The following ADAM23 variants were observed in gnomAD, a reference collection of about 807,000 sequenced individuals.
The protein encoded by ADAM23 is ADAM metallopeptidase domain 23.
ADAM23 carries 33 observed loss-of-function variants against 120.1 expected under a neutral mutation model. That is an observed-to-expected ratio of 0.27 (90% CI 0.21 to 0.37). ADAM23 has a LOEUF of 0.37. Among genes scored for constraint, ADAM23 ranks in the 10% least tolerant of loss-of-function variants. The pLI, the probability that ADAM23 is intolerant of heterozygous loss-of-function variation, is 1.00. For synonymous variants in ADAM23, 367 were observed against 375.2 expected (o/e 0.98, Z 0.25); for missense variants, 862 against 1,058.2 (o/e 0.81, Z 2.57).
Position 206,443,780 on chromosome 2 carries a change from G to C in ADAM23, c.-87G>C. 5.2e-6 allele frequency: 4 copies of C among 763,872 alleles called. No individual in the cohort carries two copies. Among genetic ancestry groups the C allele is most frequent in the Non-Finnish European group, 6.4e-6 (4 of 626,110 alleles). 47.3% of individuals were successfully genotyped at this position (763,872 alleles called of 1,614,324 possible). ...GCCGCGGCACCATGCGCGCCGAGCC[G>C]GCGTGACCGGCTCCGCCCGCGGCCG... On this transcript the variant is annotated 5_prime_UTR_variant, in exon 1 of 26. Transcript: ENST00000264377.
chr2:206,538,195 T>C (rs1192078705), intron 4 of ADAM23, among the ~76,000 whole-genome samples: 1 of 152,186 alleles, frequency 6.6e-6, no homozygotes, highest in Non-Finnish European at 1.5e-5. Context: ...TTAAATTTAA[T>C]GAAGGTAAAT....
intron 18 of ADAM23, among the ~76,000 whole-genome samples, chr2:206,578,600 C>A (rs1698164190): frequency 6.6e-6 from 1 of 152,024 alleles, no homozygotes; most frequent in Admixed American, 6.6e-5. Flanking sequence ...ACACACACTA[C>A]AGTTTCTTTA....
rs116603548 is a variant in ADAM23, at chr2:206,463,625, C to T, written c.433-17607C>T. ...GTGCTGCTATGTCCCAATGTGGGGCCGAAAAGGAAGGTTTAGGAGGCTGAC... is the reference window on the plus strand; with the variant it reads ...GTGCTGCTATGTCCCAATGTGGGGCTGAAAAGGAAGGTTTAGGAGGCTGAC... On this transcript the variant is annotated intron_variant, in intron 2 of 25. Coordinates refer to ENST00000264377, the MANE Select transcript of ADAM23 (RefSeq NM_003812.4). Among the ~76,000 whole-genome samples the T allele has an allele frequency of 4.8e-3, 726 of 152,196 alleles. 6 individuals are homozygous for T. Among genetic ancestry groups the T allele is most frequent in the African/African-American group, 0.016 (664 of 41,496 alleles).
intron 6 of ADAM23, among the ~76,000 whole-genome samples, chr2:206,544,699 G>A (rs1325943651): frequency 1.3e-5 from 2 of 150,188 alleles, no homozygotes; most frequent in African/African-American, 2.5e-5. Context: ...TGCAAGCTCC[G>A]CCTGCTGGGT....
At chr2:206,482,371 C>T (rs1695915404) in intron 3 of ADAM23, among the ~76,000 whole-genome samples, 2 of 152,156 alleles carry the variant, frequency 1.3e-5, no homozygotes, top group Non-Finnish European at 2.9e-5. Flanking sequence ...CTTGTCTTGC[C>T]AAATCTTACA....
intron 25 of ADAM23, among the ~76,000 whole-genome samples, chr2:206,611,163 A>G (rs1279497162): frequency 6.6e-6 from 1 of 152,242 alleles, no homozygotes; most frequent in African/African-American, 2.4e-5. Context: ...ATTAAGATTT[A>G]TTGAGTAAGT....
At chr2:206,467,307 A>G (rs146944386) in intron 2 of ADAM23, among the ~76,000 whole-genome samples, 55 of 152,158 alleles carry the variant, frequency 3.6e-4, no homozygotes, top group Non-Finnish European at 6.6e-4. Context: ...TGCACCTATA[A>G]AATCAAAACC....
intron 2 of ADAM23, among the ~76,000 whole-genome samples, chr2:206,479,738 G>A (rs1342829363): frequency 6.6e-6 from 1 of 152,076 alleles, no homozygotes; most frequent in Non-Finnish European, 1.5e-5. Context: ...AAGCCCACAA[G>A]TATGGTGACC....
intron 8 of ADAM23, among the ~76,000 whole-genome samples, chr2:206,549,740 TCA>T (rs1452659383): frequency 2.0e-5 from 3 of 152,090 alleles, no homozygotes; most frequent in Non-Finnish European, 2.9e-5. Context: ...GAATATTTTA[TCA>T]CATTTTAATG....
chr2:206,504,531 C>T (rs2105895765), intron 3 of ADAM23, among the ~76,000 whole-genome samples: 1 of 152,292 alleles, frequency 6.6e-6, no homozygotes, highest in East Asian at 1.9e-4. Context: ...GAAGACTCAA[C>T]TTTGTATCCT....
At chr2:206,489,710 A>G (rs1282676807) in intron 3 of ADAM23, among the ~76,000 whole-genome samples, 1 of 152,196 alleles carries the variant, frequency 6.6e-6, no homozygotes, top group Non-Finnish European at 1.5e-5. Flanking sequence ...AGATTCAGTC[A>G]CATGCAGGGA....
At chr2:206,603,808 T>TA (rs1448353053) in intron 24 of ADAM23, among the ~76,000 whole-genome samples, 1 of 152,144 alleles carries the variant, frequency 6.6e-6, no homozygotes, top group Non-Finnish European at 1.5e-5. Flanking sequence ...ATATAGTTCT[T>TA]ACAATTTCTA....
Position 206,443,556 on chromosome 2 carries a change from C to T in ADAM23, c.-311C>T, listed in dbSNP as rs913569122. On this transcript the variant is annotated 5_prime_UTR_variant, in exon 1 of 26. Transcript: ENST00000264377. ...CATCCTCAGGCCCGGCGGCAGCCCCCGCAGTCGCTGAAGCGGCCGCGCCCG... is the reference window on the plus strand; with the variant it reads ...CATCCTCAGGCCCGGCGGCAGCCCCTGCAGTCGCTGAAGCGGCCGCGCCCG... 1 of 147,922 alleles carries T rather than the reference C, an allele frequency of 6.8e-6. No homozygotes were observed. The highest frequency in any genetic ancestry group is 2.0e-4 in the East Asian group (1 of 5,086). 9.2% of individuals were successfully genotyped at this position (147,922 alleles called of 1,614,324 possible).
At chr2:206,480,525 A>G (rs955210190) in intron 2 of ADAM23, among the ~76,000 whole-genome samples, 1 of 151,926 alleles carries the variant, frequency 6.6e-6, no homozygotes, top group African/African-American at 2.4e-5. Context: ...TACTTTGACA[A>G]AACTTTATTG....
chr2:206,459,572 T>A (rs1695371092), intron 2 of ADAM23, among the ~76,000 whole-genome samples: 1 of 152,250 alleles, frequency 6.6e-6, no homozygotes, highest in Non-Finnish European at 1.5e-5. Flanking sequence ...TTGTTTGTGA[T>A]GTAATCGTTT....
chr2:206,583,023 A>G (rs996131260), intron 18 of ADAM23, among the ~76,000 whole-genome samples: 3 of 152,152 alleles, frequency 2.0e-5, no homozygotes, highest in Admixed American at 1.3e-4. Flanking sequence ...CCTGATGACA[A>G]TGTGCCTAGG....
chr2:206,610,937 T>C, intron 25 of ADAM23, among the ~76,000 whole-genome samples: 1 of 152,190 alleles, frequency 6.6e-6, no homozygotes, highest in East Asian at 1.9e-4. Flanking sequence ...TTACCCAAAT[T>C]CAAAACCCAC....
chr2:206,486,109 G>A (rs1696007090), intron 3 of ADAM23, among the ~76,000 whole-genome samples: 1 of 152,210 alleles, frequency 6.6e-6, no homozygotes, highest in South Asian at 2.1e-4. Context: ...TCCATGGTGA[G>A]GAGTGTGGGT....
At chr2:206,511,488 T>C (rs1696622180) in intron 3 of ADAM23, among the ~76,000 whole-genome samples, 1 of 152,114 alleles carries the variant, frequency 6.6e-6, no homozygotes, top group Admixed American at 6.5e-5. Flanking sequence ...GTTCCACAGC[T>C]TGTTTGGAGT....
Sources: gnomAD v4.1 joint callset for allele counts (sites outside exome capture counted in the v4.1 genomes callset) on GRCh38, gnomAD v4.1.1 for gene constraint, MANE v1.5 for transcripts, NCBI Gene and HGNC (gene_info 2026-07-23, HGNC 2026-07-21) for gene names.